ZNF569: variants seen among roughly 807,000 people sequenced by gnomAD.
ZNF569 encodes DNA-binding protein.
In ZNF569, 38 loss-of-function variants were observed where a neutral mutation model predicts 56.3. The observed-to-expected ratio is 0.68, with a 90% confidence interval of 0.52 to 0.88. The LOEUF (loss-of-function observed/expected upper bound fraction) is 0.88, where lower values mean the gene tolerates loss of function less well. ZNF569 is among the 40% of genes least tolerant of loss of function. The pLI is 0.00. For missense variants in ZNF569, 666 were observed against 809.2 expected, an observed-to-expected ratio of 0.82 and a Z score of 2.15; for synonymous variants, 241 against 262.9, an observed-to-expected ratio of 0.92 and a Z score of 0.81.
rs748721517 is a variant in ZNF569 at position 37,426,008 on chromosome 19, C to A, written c.143-45G>T. On this transcript the variant is annotated intron_variant, in intron 4 of 5. Transcript: ENST00000316950. Reference sequence around the variant, plus strand: ...TAGATTTGGGCATACATACTAGGAACAAAGAACCACCCAAAAATTGAGGCT... The same window carrying A: ...TAGATTTGGGCATACATACTAGGAAAAAAGAACCACCCAAAAATTGAGGCT... 3.8e-6 allele frequency: 6 copies of A among 1,592,014 alleles called. No homozygotes were observed. In the East Asian group the frequency reaches 6.7e-5, roughly 18 times the overall value.
intron 3 of ZNF569, among the ~76,000 whole-genome samples, chr19:37,426,884 T>C (rs2146891887): frequency 6.6e-6 from 1 of 152,304 alleles, no homozygotes; most frequent in South Asian, 2.1e-4. Context: ...GGGATCTGAT[T>C]GTTCAAATAG....
At chr19:37,415,650 C>T (rs1218801690) in intron 5 of ZNF569, among the ~76,000 whole-genome samples, 1 of 151,038 alleles carries the variant, frequency 6.6e-6, no homozygotes, top group Non-Finnish European at 1.5e-5. Flanking sequence ...GCGGGCGGAT[C>T]GCGAGGTCAG....
chr19:37,412,984 G>T lies in ZNF569; in HGVS notation c.1674C>A (p.Ala558=). 1 of 1,613,698 alleles carries T rather than the reference G, an allele frequency of 6.2e-7. No individual in the cohort carries two copies. The highest frequency in any genetic ancestry group is 8.5e-7 in the Non-Finnish European group (1 of 1,179,862). The change falls in exon 6 of 6, where the codon GCC becomes GCA. Residue 558 remains alanine, a synonymous_variant. Coordinates refer to ENST00000316950, the MANE Select transcript of ZNF569 (RefSeq NM_152484.3). ...KPYECDKCGK[A]FSQCSLLNLH... ...AATTAAGCAGTGAGCACTGAGAGAA[G>T]GCTTTACCACATTTATCACATTCAT...
intron 3 of ZNF569, among the ~76,000 whole-genome samples, chr19:37,444,069 T>C (rs1167794838): frequency 6.6e-6 from 1 of 152,066 alleles, no homozygotes; most frequent in Non-Finnish European, 1.5e-5. Context: ...ATGACATGCA[T>C]AGAGTAATGT....
At chr19:37,427,184 G>A (rs1010636551) in intron 3 of ZNF569, among the ~76,000 whole-genome samples, 2 of 152,036 alleles carry the variant, frequency 1.3e-5, no homozygotes, top group Non-Finnish European at 2.9e-5. Context: ...AGGTGTGGTG[G>A]TGTGCATCTG....
chr19:37,443,387 T>G (rs1362542952), intron 3 of ZNF569, among the ~76,000 whole-genome samples: 1 of 152,020 alleles, frequency 6.6e-6, no homozygotes, highest in Non-Finnish European at 1.5e-5. Flanking sequence ...GAAAGGTATA[T>G]CTCAGAAGAG....
chr19:37,457,392 T>C (rs1316064800), intron 2 of ZNF569, among the ~76,000 whole-genome samples: 1 of 152,078 alleles, frequency 6.6e-6, no homozygotes, highest in African/African-American at 2.4e-5. Context: ...TACTGGCTTA[T>C]GGTAACAGAG....
At chr19:37,458,608 C>T (rs2041710580) in intron 2 of ZNF569, among the ~76,000 whole-genome samples, 1 of 152,216 alleles carries the variant, frequency 6.6e-6, no homozygotes, top group Admixed American at 6.5e-5. Flanking sequence ...GCATTTATCA[C>T]TCTGCCAGTG....
intron 2 of ZNF569, among the ~76,000 whole-genome samples, chr19:37,457,061 A>G (rs1184066649): frequency 0.014 from 1 of 72 alleles, no homozygotes; most frequent in Non-Finnish European, 0.026. Context: ...CCCTTAATCT[A>G]TATTCAGCAT....
At chr19:37,440,008 C>T (rs2041378065) in intron 3 of ZNF569, among the ~76,000 whole-genome samples, 1 of 152,052 alleles carries the variant, frequency 6.6e-6, no homozygotes, top group Admixed American at 6.5e-5. Flanking sequence ...CAACTATAGT[C>T]AACAATAATT....
At position 37,421,070 on chromosome 19, in the gene ZNF569, G is replaced by A. The variant is rs567373651; in HGVS notation, c.238+4798C>T. Among the ~76,000 whole-genome samples the A allele has an allele frequency of 2.0e-5, 3 of 152,272 alleles. No individual in the cohort carries two copies. The East Asian group carries it at 5.8e-4, about 29-fold the overall frequency. ...GAACTTTTTTTTCTCGTGAGCAGTAGGTATCAACAGTGGGCTTAAAATATT... is the reference window on the plus strand; with the variant it reads ...GAACTTTTTTTTCTCGTGAGCAGTAAGTATCAACAGTGGGCTTAAAATATT... On this transcript the variant is annotated intron_variant, in intron 5 of 5. Transcript: ENST00000316950.
In ZNF569 at chr19:37,414,258, G is replaced by T; in HGVS notation, c.400C>A (p.His134Asn). The change falls in exon 6 of 6, where the codon CAC becomes AAC. Residue 134 changes from histidine to asparagine, a missense_variant. Physicochemically the swap from His to Asn is moderately conservative, Grantham distance 68. Transcript: ENST00000316950. ...AATAAGTCATACTCATAGAGATTGT[G>T]TCTGGAAGGGAAAAAATCAGAGTTC... is the stretch of plus-strand genomic sequence containing the variant. ...PLNSDFFPSR[H>N]NLYEYDLFGK... 1 of 1,613,566 alleles carries T rather than the reference G, an allele frequency of 6.2e-7. No individual in the cohort carries two copies. Among genetic ancestry groups the T allele is most frequent in the Non-Finnish European group, 8.5e-7 (1 of 1,179,770 alleles).
At chr19:37,466,787 T>C (rs919430592) in intron 1 of ZNF569, 3 of 152,258 alleles carry the variant, frequency 2.0e-5, no homozygotes, top group African/African-American at 7.2e-5. Context: ...GTCATGCACG[T>C]TTGCACGCAG....
At position 37,467,420 on chromosome 19, in the gene ZNF569, A is replaced by G. The variant is rs1230560079; in HGVS notation, c.-541T>C. 6.0e-6 allele frequency: 1 copy of G among 168,064 alleles called. No individual in the cohort carries two copies. The highest frequency in any genetic ancestry group is 1.7e-4 in the East Asian group (1 of 5,744). The allele number at this position is 168,064 out of a possible 1,614,324, so 10.4% of individuals were successfully genotyped here. On this transcript the variant is annotated 5_prime_UTR_variant, in exon 1 of 6. Coordinates refer to ENST00000316950, the MANE Select transcript of ZNF569 (RefSeq NM_152484.3). ...GGAGCGCAACTTGGTGCTGAGAAGA[A>G]TCGAATCGTTCCGCTGCTTCCTGCG...
At chr19:37,415,440 C>G (rs1335081515) in intron 5 of ZNF569, among the ~76,000 whole-genome samples, 2 of 151,912 alleles carry the variant, frequency 1.3e-5, no homozygotes, top group African/African-American at 4.8e-5. Flanking sequence ...TACAGTACAG[C>G]CCAAACACCA....
chr19:37,450,985 G>A (rs1006311452), intron 2 of ZNF569, among the ~76,000 whole-genome samples: 5 of 152,174 alleles, frequency 3.3e-5, no homozygotes, highest in Admixed American at 2.0e-4. Context: ...AATATATTTG[G>A]TATGATTTAG....
rs976602210 is a variant in ZNF569, at chr19:37,416,839, A to G, written c.239-2420T>C. On this transcript the variant is annotated intron_variant, in intron 5 of 5. Coordinates refer to ENST00000316950, the MANE Select transcript of ZNF569 (RefSeq NM_152484.3). ...AAAAATGTCCAAAAACCATATGAAG[A>G]AAAGTTTAAAATGAACACACAGACT... Among the ~76,000 whole-genome samples the G allele has an allele frequency of 3.9e-5, 6 of 152,218 alleles. No homozygotes were observed. In the South Asian group the frequency reaches 1.2e-3, roughly 32 times the overall value.
Position 37,413,180 on chromosome 19 carries a change from G to A in ZNF569, c.1478C>T (p.Pro493Leu), listed in dbSNP as rs2040868082. 1 of 1,606,306 alleles carries A rather than the reference G, an allele frequency of 6.2e-7. No individual in the cohort carries two copies. The highest frequency in any genetic ancestry group is 1.3e-5 in the African/African-American group (1 of 74,342). ...AHEKIHSGEKPYECNECGKAF... is the reference protein window; with the variant it reads ...AHEKIHSGEKLYECNECGKAF... ...TTTACCACATTCATTGCATTCATAG[G>A]GTTTCTCTCCAGAATGAATTTTTTC... The change falls in exon 6 of 6, where the codon CCC becomes CTC. Residue 493 changes from proline to leucine, a missense_variant. Physicochemically the swap from Pro to Leu is moderately conservative, Grantham distance 98. Transcript: ENST00000316950.
intron 2 of ZNF569, among the ~76,000 whole-genome samples, chr19:37,457,041 A>C (rs1169697757): frequency 8.1e-6 from 1 of 123,308 alleles, no homozygotes; most frequent in Non-Finnish European, 1.7e-5. Context: ...TACAAAGAAT[A>C]CTTCTAAAAC....
Sources: allele counts gnomAD v4.1 joint callset (sites outside exome capture counted in the v4.1 genomes callset), GRCh38; gene constraint gnomAD v4.1.1; transcripts MANE v1.5; gene names NCBI Gene and HGNC (gene_info 2026-07-23, HGNC 2026-07-21).